GMDS: variants seen among roughly 807,000 people sequenced by gnomAD.
GMDS encodes GDP-mannose 4,6 dehydratase.
GMDS carries 20 observed loss-of-function variants against 49.9 expected under a neutral mutation model. The observed-to-expected ratio is 0.40, with a 90% CI of 0.28 to 0.58. The LOEUF (loss-of-function observed/expected upper bound fraction) is 0.58, where lower values mean the gene tolerates loss of function less well. GMDS is among the 20% of genes least tolerant of loss of function. The pLI is 0.42. For missense variants in GMDS, 362 were observed against 481.4 expected, an observed-to-expected ratio of 0.75 and a Z score of 2.32; for synonymous variants, 177 against 178.6, an observed-to-expected ratio of 0.99 and a Z score of 0.07.
At chr6:1,906,395 C>T (rs754496973) in intron 7 of GMDS, among the ~76,000 whole-genome samples, 1 of 152,158 alleles carries the variant, frequency 6.6e-6, no homozygotes, top group Non-Finnish European at 1.5e-5. Context: ...TACTATTTAG[C>T]CCACACCAAA....
intron 1 of GMDS, among the ~76,000 whole-genome samples, chr6:2,174,003 C>T (rs923334552): frequency 3.3e-5 from 5 of 152,156 alleles, no homozygotes; most frequent in Non-Finnish European, 1.5e-5. Context: ...GATTCCAACC[C>T]TCGATCCCAA....
At chr6:1,725,127 G>C (rs1766529424) in intron 9 of GMDS, among the ~76,000 whole-genome samples, 1 of 44,038 alleles carries the variant, frequency 2.3e-5, no homozygotes, top group Admixed American at 2.2e-4. Flanking sequence ...AGGGAAAATG[G>C]TTTCAAAAAA....
chr6:2,141,636 G>A (rs1053294823), intron 1 of GMDS, among the ~76,000 whole-genome samples: 20 of 152,232 alleles, frequency 1.3e-4, no homozygotes, highest in Admixed American at 5.2e-4. Flanking sequence ...AACTACTGCC[G>A]TTTAAAAACT....
rs544157985 is a variant in GMDS, at chr6:1,850,222, C to T, written c.771+79881G>A. ...GCCAAGCTGCTATCGGATGTAAATACATTCCTAGACTGTGTTAAAAGCAGG... is the reference window on the plus strand; with the variant it reads ...GCCAAGCTGCTATCGGATGTAAATATATTCCTAGACTGTGTTAAAAGCAGG... On this transcript the variant is annotated intron_variant, in intron 7 of 10. Coordinates refer to ENST00000380815, the MANE Select transcript of GMDS (RefSeq NM_001500.4). 2.0e-5 allele frequency among the ~76,000 whole-genome samples: 3 copies of T among 152,294 alleles called. No homozygotes were observed. The South Asian group carries it at 6.2e-4, about 32-fold the overall frequency.
At chr6:1,919,110 T>TGGGCATCTGTTATGTGCC (rs1761576070) in intron 7 of GMDS, among the ~76,000 whole-genome samples, 2 of 152,196 alleles carry the variant, frequency 1.3e-5, no homozygotes, top group African/African-American at 2.4e-5. Flanking sequence ...AGGTATTTAC[T>TGGGCATCTGTTATGTGCC]GGGCATCTGT....
intron 1 of GMDS, among the ~76,000 whole-genome samples, chr6:2,156,233 T>C (rs1006898288): frequency 2.0e-5 from 3 of 152,198 alleles, no homozygotes; most frequent in African/African-American, 4.8e-5. Flanking sequence ...ATGTTGCATG[T>C]CATAATTTCA....
At chr6:1,677,860 G>A (rs1169249651) in intron 9 of GMDS, among the ~76,000 whole-genome samples, 1 of 151,720 alleles carries the variant, frequency 6.6e-6, no homozygotes, top group Non-Finnish European at 1.5e-5. Context: ...ACGCGTTAAT[G>A]GGTACAACAC....
chr6:1,654,432 G>T (rs1763807007), intron 9 of GMDS, among the ~76,000 whole-genome samples: 1 of 152,198 alleles, frequency 6.6e-6, no homozygotes, highest in Non-Finnish European at 1.5e-5. Flanking sequence ...CCTCCTTAAG[G>T]AGGAAGACAA....
intron 4 of GMDS, among the ~76,000 whole-genome samples, chr6:1,981,835 T>G (rs1765235710): frequency 6.6e-6 from 1 of 152,206 alleles, no homozygotes; most frequent in East Asian, 1.9e-4. Flanking sequence ...ACAATCAAGT[T>G]GGCTTCATGC....
At chr6:1,951,372 C>T (rs747101456) in intron 6 of GMDS, among the ~76,000 whole-genome samples, 3 of 152,126 alleles carry the variant, frequency 2.0e-5, no homozygotes, top group Admixed American at 6.6e-5. Context: ...CAGGTGAATA[C>T]TGTGTTTAGA....
intron 4 of GMDS, among the ~76,000 whole-genome samples, chr6:2,021,307 A>G (rs1021023349): frequency 6.6e-6 from 1 of 152,230 alleles, no homozygotes; most frequent in Non-Finnish European, 1.5e-5. Flanking sequence ...ACTGGAACCT[A>G]GAAGTTAGGA....
chr6:1,798,237 G>GCACGCACA (rs1554120594), intron 7 of GMDS, among the ~76,000 whole-genome samples: 3 of 143,338 alleles, frequency 2.1e-5, no homozygotes, highest in African/African-American at 7.7e-5. Flanking sequence ...TAATTACAGA[G>GCACGCACA]CACACACACA....
At chr6:2,118,665 G>C (rs1774977708) in intron 2 of GMDS, among the ~76,000 whole-genome samples, 1 of 152,092 alleles carries the variant, frequency 6.6e-6, no homozygotes, top group Non-Finnish European at 1.5e-5. Context: ...TATTTCTGTT[G>C]GTTAGTTGCT....
At chr6:1,931,508 A>G (rs925912350) in intron 6 of GMDS, among the ~76,000 whole-genome samples, 1 of 152,214 alleles carries the variant, frequency 6.6e-6, no homozygotes, top group Non-Finnish European at 1.5e-5. Context: ...AAGAAATACA[A>G]AGTTTCAACT....
chr6:1,872,141 G>A (rs1350978565), intron 7 of GMDS, among the ~76,000 whole-genome samples: 2 of 152,152 alleles, frequency 1.3e-5, no homozygotes, highest in East Asian at 3.9e-4. Flanking sequence ...TCTGGCAGTA[G>A]ACAACAATGC....
chr6:2,127,722 T>C (rs1775530654), intron 1 of GMDS, among the ~76,000 whole-genome samples: 1 of 152,186 alleles, frequency 6.6e-6, no homozygotes, highest in African/African-American at 2.4e-5. Context: ...GGCCGCCCCC[T>C]CGTCCTTTCC....
intron 7 of GMDS, among the ~76,000 whole-genome samples, chr6:1,899,223 G>T (rs191736966): frequency 6.6e-6 from 1 of 151,928 alleles, no homozygotes; most frequent in Admixed American, 6.6e-5. Flanking sequence ...GTCATTTATG[G>T]TGTTATTTTT....
rs150827715 is a variant in GMDS, at chr6:1,958,811, A to G, written c.643+1056T>C. Reference sequence around the variant, plus strand: ...CGTTTATTCTCAGACTAAAAATCTAAATGATAGCGAAATTTAATAAAACTT... The same window carrying G: ...CGTTTATTCTCAGACTAAAAATCTAGATGATAGCGAAATTTAATAAAACTT... On this transcript the variant is annotated intron_variant, in intron 6 of 10. Transcript: ENST00000380815. Among the ~76,000 whole-genome samples the G allele has an allele frequency of 1.5e-3, 235 of 152,304 alleles. 1 individual carries two copies. The highest frequency in any genetic ancestry group is 5.5e-3 in the African/African-American group (228 of 41,564).
intron 6 of GMDS, among the ~76,000 whole-genome samples, chr6:1,943,226 G>A (rs1762903437): frequency 6.6e-6 from 1 of 152,166 alleles, no homozygotes; most frequent in Non-Finnish European, 1.5e-5. Flanking sequence ...AGAAACATCT[G>A]TATCCACAGC....
Sources: allele counts gnomAD v4.1 joint callset (sites outside exome capture counted in the v4.1 genomes callset), GRCh38; gene constraint gnomAD v4.1.1; transcripts MANE v1.5; gene names NCBI Gene and HGNC (gene_info 2026-07-23, HGNC 2026-07-21).